The following ZNF33B variants were observed in gnomAD, a reference collection of about 807,000 sequenced individuals.
ZNF33B encodes zinc finger protein 33B, also known as zinc finger protein 11b (KOX 2).
A neutral mutation model predicts 45.8 loss-of-function variants in ZNF33B; 29 were observed. The ratio of observed to expected loss-of-function variants is 0.63; its 90% CI spans 0.47 to 0.86. The LOEUF (loss-of-function observed/expected upper bound fraction) is 0.86, where lower values mean the gene tolerates loss of function less well. ZNF33B is among the 40% of genes least tolerant of loss of function. The pLI, the probability that ZNF33B is intolerant of heterozygous loss-of-function variation, is 0.00. For missense variants in ZNF33B, 831 were observed against 909.9 expected (o/e 0.91, Z 1.12); for synonymous variants, 305 against 307.8 (o/e 0.99, Z 0.10).
At chr10:42,638,142 G>A (rs574255862) in intron 1 of ZNF33B, among the ~76,000 whole-genome samples, 1 of 152,360 alleles carries the variant, frequency 6.6e-6, no homozygotes, top group South Asian at 2.1e-4. Context: ...TACCCAGGTA[G>A]GGCCGCGCCC....
chr10:42,624,934 G>A (rs1165457954), intron 4 of ZNF33B, among the ~76,000 whole-genome samples: 1 of 152,032 alleles, frequency 6.6e-6, no homozygotes, highest in Non-Finnish European at 1.5e-5. Flanking sequence ...CCACAGAAAA[G>A]GGGAGACTAA....
chr10:42,609,983 T>C (rs1479075839), intron 4 of ZNF33B, among the ~76,000 whole-genome samples: 2 of 152,166 alleles, frequency 1.3e-5, no homozygotes, highest in African/African-American at 2.4e-5. Flanking sequence ...ACAATGATTT[T>C]ACTCTAAGAA....
intron 4 of ZNF33B, among the ~76,000 whole-genome samples, chr10:42,619,603 T>C (rs1838483745): frequency 1.3e-5 from 2 of 152,224 alleles, no homozygotes; most frequent in South Asian, 4.1e-4. Context: ...AGGGTCATTA[T>C]GTTTGCTTTG....
intron 4 of ZNF33B, among the ~76,000 whole-genome samples, chr10:42,599,329 C>T (rs1837529130): frequency 6.6e-6 from 1 of 151,840 alleles, no homozygotes; most frequent in South Asian, 2.1e-4. Flanking sequence ...TTTATTATTT[C>T]CTTTCTTCTA....
chr10:42,581,291 A>T (rs181781540), intron 1 of ZNF33B, among the ~76,000 whole-genome samples: 9 of 151,726 alleles, frequency 5.9e-5, no homozygotes, highest in African/African-American at 1.9e-4. Context: ...ACATGGTGAA[A>T]CCTCGTTACT....
intron 4 of ZNF33B, among the ~76,000 whole-genome samples, chr10:42,624,261 G>C (rs1338528363): frequency 6.6e-6 from 1 of 152,172 alleles, no homozygotes; most frequent in African/African-American, 2.4e-5. Flanking sequence ...CTAGGGTTGA[G>C]GGCTCCAACA....
intron 4 of ZNF33B, among the ~76,000 whole-genome samples, chr10:42,627,396 C>T (rs1337042506): frequency 6.6e-6 from 1 of 152,134 alleles, no homozygotes; most frequent in Non-Finnish European, 1.5e-5. Context: ...TGTTTCATTC[C>T]AGATATTGAT....
At chr10:42,601,033 C>A (rs748254710) in intron 4 of ZNF33B, among the ~76,000 whole-genome samples, 7 of 152,114 alleles carry the variant, frequency 4.6e-5, no homozygotes, top group Non-Finnish European at 8.8e-5. Context: ...GTCCTTATTT[C>A]TTCACTGTTT....
At chr10:42,636,721 G>A in intron 2 of ZNF33B, 199 bp downstream of exon 2, 1 of 652,180 alleles carries the variant, frequency 1.5e-6, no homozygotes, top group Non-Finnish European at 2.6e-6. Context: ...TCGGGAGGCT[G>A]AGGCAGGTGA....
intron 2 of ZNF33B, among the ~76,000 whole-genome samples, chr10:42,635,239 CA>C (rs71533034): frequency 0.03 from 2,964 of 99,238 alleles, 45 homozygotes; most frequent in African/African-American, 0.075. Flanking sequence ...AGACATTCTC[CA>C]AAAAAAAAAA....
Position 42,592,477 on chromosome 10 carries a change from T to C in ZNF33B, c.*136A>G, listed in dbSNP as rs1174514662. ...TAGTCTATGGGTTTATCCCCTACTG[T>C]TACTTTGGAGTAACATAAGGCGAGT... is the stretch of plus-strand genomic sequence containing the variant. On this transcript the variant is annotated 3_prime_UTR_variant, in exon 5 of 5. Coordinates refer to ENST00000359467, the MANE Select transcript of ZNF33B (RefSeq NM_006955.3). The C allele has an allele frequency of 8.0e-7, 1 of 1,248,590 alleles. No individual in the cohort carries two copies. The highest frequency in any genetic ancestry group is 1.1e-6 in the Non-Finnish European group (1 of 892,890). 77.3% of individuals were successfully genotyped at this position (1,248,590 alleles called of 1,614,324 possible). A position where few individuals can be genotyped will look rare whatever the true frequency, so the allele number is the denominator to read the frequency against.
chr10:42,630,252 A>C (rs951125636), intron 4 of ZNF33B, among the ~76,000 whole-genome samples: 1 of 152,110 alleles, frequency 6.6e-6, no homozygotes, highest in African/African-American at 2.4e-5. Context: ...AAGATACAGA[A>C]TTTTTATTTA....
At chr10:42,601,895 T>C (rs1837638148) in intron 4 of ZNF33B, among the ~76,000 whole-genome samples, 1 of 149,842 alleles carries the variant, frequency 6.7e-6, no homozygotes, top group South Asian at 2.1e-4. Context: ...TAATTCTTGC[T>C]CTATGTGATA....
At chr10:42,604,555 G>C (rs1837759644) in intron 4 of ZNF33B, among the ~76,000 whole-genome samples, 1 of 152,126 alleles carries the variant, frequency 6.6e-6, no homozygotes, top group South Asian at 2.1e-4. Flanking sequence ...AGACAGAAAA[G>C]AATACAATGA....
chr10:42,627,402 T>C (rs1389829476), intron 4 of ZNF33B, among the ~76,000 whole-genome samples: 3 of 152,248 alleles, frequency 2.0e-5, no homozygotes, highest in African/African-American at 7.2e-5. Flanking sequence ...ATTCCAGATA[T>C]TGATGATTTG....
At chr10:42,595,027 A>G (rs1489502110) in intron 4 of ZNF33B, among the ~76,000 whole-genome samples, 4 of 152,190 alleles carry the variant, frequency 2.6e-5, no homozygotes, top group Admixed American at 1.3e-4. Flanking sequence ...CAAGAACTAT[A>G]AAGGTCAGCA....
Position 42,594,126 on chromosome 10 carries a change from T to C in ZNF33B, c.824A>G (p.Tyr275Cys), listed in dbSNP as rs1450795366. 2.5e-6 allele frequency: 4 copies of C among 1,613,984 alleles called. No homozygotes were observed. The highest frequency in any genetic ancestry group is 1.7e-5 in the Admixed American group (1 of 59,996). The change falls in exon 5 of 5, where the codon TAT (tyrosine) becomes TGT (cysteine). Residue 275 changes from tyrosine to cysteine, a missense_variant. By Grantham distance (194) the Tyr-to-Cys change is radical. Transcript: ENST00000359467. ...HQIPPSKDSH[Y>C]EFSDCEKFLC... ...GAACTTCTCACAATCACTAAATTCA[T>C]AGTGACTGTCCTTTGATGGAGGTAT...
At chr10:42,584,967 G>C (rs1439326949), downstream of ZNF33B, among the ~76,000 whole-genome samples, 3 of 152,210 alleles carry the variant, frequency 2.0e-5, no homozygotes, top group Non-Finnish European at 4.4e-5. Context: ...GAGCTCACTA[G>C]GGCTTCGGGT....
chr10:42,586,859 T>C (rs1247353724), downstream of ZNF33B, among the ~76,000 whole-genome samples: 1 of 152,164 alleles, frequency 6.6e-6, no homozygotes, highest in African/African-American at 2.4e-5. Context: ...ACAAACCACC[T>C]GAGACTAGGT....
Sources: allele counts gnomAD v4.1 joint callset (sites outside exome capture counted in the v4.1 genomes callset), GRCh38; gene constraint gnomAD v4.1.1; transcripts MANE v1.5; gene names NCBI Gene and HGNC (gene_info 2026-07-23, HGNC 2026-07-21).